The following MTUS2 variants were observed in gnomAD, a reference collection of about 807,000 sequenced individuals.
The protein encoded by MTUS2 is microtubule-associated tumor suppressor candidate 2.
In MTUS2, 40 loss-of-function variants were observed where a neutral mutation model predicts 114.1. The ratio of observed to expected loss-of-function variants is 0.35; its 90% CI spans 0.27 to 0.46. MTUS2 has a LOEUF of 0.46. Among genes scored for constraint, MTUS2 ranks in the 20% least tolerant of loss-of-function variants. The probability of loss-of-function intolerance (pLI) is 1.00; values close to 1 mark genes in which losing one functional copy is unlikely to be tolerated. For synonymous variants in MTUS2, 688 were observed against 672.0 expected, an observed-to-expected ratio of 1.02 and a Z score of -0.37; for missense variants, 1,679 against 1,705.4, an observed-to-expected ratio of 0.98 and a Z score of 0.27.
At chr13:29,215,805 G>A (rs530862184) in intron 5 of MTUS2, among the ~76,000 whole-genome samples, 10 of 152,280 alleles carry the variant, frequency 6.6e-5, no homozygotes, top group African/African-American at 2.4e-4. Flanking sequence ...TGGATGTGGT[G>A]TCTGTTGACC....
At chr13:29,353,901 C>A (rs1029534824) in intron 7 of MTUS2, among the ~76,000 whole-genome samples, 2 of 152,204 alleles carry the variant, frequency 1.3e-5, no homozygotes, top group Non-Finnish European at 2.9e-5. Flanking sequence ...CCTCTCTCCA[C>A]AGGCAGGTAT....
At chr13:29,094,064 A>C (rs1159090351) in intron 4 of MTUS2, among the ~76,000 whole-genome samples, 1 of 152,122 alleles carries the variant, frequency 6.6e-6, no homozygotes, top group East Asian at 1.9e-4. Context: ...ATATCACTTG[A>C]TCATGGTATA....
chr13:29,036,133 G>C (rs1332898856), intron 4 of MTUS2, among the ~76,000 whole-genome samples: 23 of 118,508 alleles, frequency 1.9e-4, no homozygotes, highest in Admixed American at 5.9e-4. Flanking sequence ...CACAGAGTGA[G>C]ACTGTCTCAA....
At chr13:29,144,097 C>T (rs1010862165) in intron 5 of MTUS2, among the ~76,000 whole-genome samples, 1 of 152,090 alleles carries the variant, frequency 6.6e-6, no homozygotes, top group African/African-American at 2.4e-5. Flanking sequence ...AGACGCAGTC[C>T]CTCCCTTTAA....
At chr13:28,897,818 C>A (rs374000664) in intron 2 of MTUS2, among the ~76,000 whole-genome samples, 3 of 149,066 alleles carry the variant, frequency 2.0e-5, no homozygotes, top group East Asian at 2.0e-4. Flanking sequence ...AACCAAACAC[C>A]GCATGTTCTC....
intron 5 of MTUS2, among the ~76,000 whole-genome samples, chr13:29,135,601 T>C (rs930716995): frequency 6.6e-6 from 1 of 152,220 alleles, no homozygotes; most frequent in African/African-American, 2.4e-5. Flanking sequence ...ATAGGATTTC[T>C]GTCCTTCACT....
intron 2 of MTUS2, among the ~76,000 whole-genome samples, chr13:28,950,787 A>G (rs962880339): frequency 6.6e-6 from 1 of 152,248 alleles, no homozygotes; most frequent in Non-Finnish European, 1.5e-5. Flanking sequence ...TATATTAATA[A>G]TGAAAAAGTT....
At chr13:29,322,079 T>C (rs949254941) in intron 6 of MTUS2, among the ~76,000 whole-genome samples, 1 of 152,214 alleles carries the variant, frequency 6.6e-6, no homozygotes, top group African/African-American at 2.4e-5. Flanking sequence ...GAGAGATTTA[T>C]AGAAGTGGAA....
intron 2 of MTUS2, among the ~76,000 whole-genome samples, chr13:28,876,611 T>C (rs2496117): frequency 0.9 from 137,395 of 152,198 alleles, 62,437 homozygotes; most frequent in Middle Eastern, 0.95. Context: ...ATGAAAGTTA[T>C]CACCCTCTTT....
At chr13:29,419,356 C>T (rs1460623164) in intron 8 of MTUS2, among the ~76,000 whole-genome samples, 1 of 152,120 alleles carries the variant, frequency 6.6e-6, no homozygotes, top group Non-Finnish European at 1.5e-5. Context: ...GGTTAATCCC[C>T]TCAGAACAGA....
chr13:28,979,968 A>G (rs1476965570), intron 2 of MTUS2, among the ~76,000 whole-genome samples: 1 of 152,200 alleles, frequency 6.6e-6, no homozygotes, highest in Non-Finnish European at 1.5e-5. Context: ...GAAGAGAATT[A>G]GGGAGGTACT....
rs1027464138 is a variant in MTUS2 at position 29,256,485 on chromosome 13, G to A, written c.2645-25219G>A. ...GCTGAGCCCAGAGTGGGCAAGGAGG[G>A]CAAAGCACCACGGAGGGACAAGGGC... On this transcript the variant is annotated intron_variant, in intron 5 of 15. Coordinates refer to ENST00000612955, the MANE Select transcript of MTUS2 (RefSeq NM_001033602.4). Among the ~76,000 whole-genome samples the A allele has an allele frequency of 3.3e-5, 5 of 152,230 alleles. No homozygotes were observed. The South Asian group carries it at 8.3e-4, about 25-fold the overall frequency.
At chr13:29,019,147 T>A (rs921614298) in intron 2 of MTUS2, among the ~76,000 whole-genome samples, 1 of 152,198 alleles carries the variant, frequency 6.6e-6, no homozygotes, top group Non-Finnish European at 1.5e-5. Context: ...ATTACTAACA[T>A]TTCAGCGTCA....
intron 2 of MTUS2, among the ~76,000 whole-genome samples, chr13:28,883,927 G>C (rs995775325): frequency 6.6e-6 from 1 of 152,144 alleles, no homozygotes; most frequent in Non-Finnish European, 1.5e-5. Flanking sequence ...TGGAACTCAC[G>C]TGCATTGGCT....
chr13:29,067,607 G>A (rs1888721413), intron 4 of MTUS2, among the ~76,000 whole-genome samples: 1 of 152,192 alleles, frequency 6.6e-6, no homozygotes, highest in African/African-American at 2.4e-5. Context: ...AGAATAGACG[G>A]CTGTTTCTAA....
At chr13:29,484,125 T>C (rs1881414364) in intron 10 of MTUS2, 2 of 152,256 alleles carry the variant, frequency 1.3e-5, no homozygotes, top group Non-Finnish European at 2.9e-5. Context: ...TCCTCCTCCA[T>C]AGGGAGCAGC....
intron 4 of MTUS2, among the ~76,000 whole-genome samples, chr13:29,079,761 C>A (rs561855794): frequency 6.6e-6 from 1 of 152,284 alleles, no homozygotes; most frequent in South Asian, 2.1e-4. Flanking sequence ...ATATGTCTAT[C>A]TTTATGCTAG....
chr13:29,503,363 G>A lies in MTUS2; in HGVS notation c.*157G>A, dbSNP rs1033776090. ...CCTCCTCTGATCCCCGTGTAAGACT[G>A]CCCTGGTGTCGGCACTTAGGAATGT... On this transcript the variant is annotated 3_prime_UTR_variant, in exon 16 of 16. Transcript: ENST00000612955. 2.0e-5 allele frequency: 15 copies of A among 748,734 alleles called. No homozygotes were observed. The African/African-American group carries it at 2.1e-4, about 11-fold the overall frequency. The allele number at this position is 748,734 out of a possible 1,614,324, so 46.4% of individuals were successfully genotyped here. A position where few individuals can be genotyped will look rare whatever the true frequency, so the allele number is the denominator to read the frequency against.
rs374005408 is a variant in MTUS2, at chr13:29,310,883, ATG to A, written c.2807-13729_2807-13728del. On this transcript the variant is annotated intron_variant, in intron 6 of 15. Coordinates refer to ENST00000612955, the MANE Select transcript of MTUS2 (RefSeq NM_001033602.4). ...ATTTAGGGTTTCTGCTCATAGATATATGAGAAATTCATACATGTGTATCTAGA... is the reference window on the plus strand; with the variant it reads ...ATTTAGGGTTTCTGCTCATAGATATAAGAAATTCATACATGTGTATCTAGA... Among the ~76,000 whole-genome samples the A allele has an allele frequency of 1.7e-3, 264 of 152,356 alleles. 2 individuals carry two copies. Among genetic ancestry groups the A allele is most frequent in the South Asian group, 0.01 (49 of 4,832 alleles).
Sources: gnomAD v4.1 joint callset for allele counts (sites outside exome capture counted in the v4.1 genomes callset) on GRCh38, gnomAD v4.1.1 for gene constraint, MANE v1.5 for transcripts, NCBI Gene and HGNC (gene_info 2026-07-23, HGNC 2026-07-21) for gene names.